Variants in NEK10 observed in about 807,000 individuals in gnomAD.
NEK10 encodes NIMA related kinase 10.
In NEK10, 122 loss-of-function variants were observed where a neutral mutation model predicts 159.8. That is an observed-to-expected ratio of 0.76 (90% CI 0.66 to 0.89). The LOEUF (loss-of-function observed/expected upper bound fraction) is 0.89, where lower values mean the gene tolerates loss of function less well. Among genes scored for constraint, NEK10 ranks in the 40% least tolerant of loss-of-function variants. NEK10 has a pLI of 0.00. For synonymous variants in NEK10, 466 were observed against 457.1 expected, an observed-to-expected ratio of 1.02 and a Z score of -0.25; for missense variants, 1,342 against 1,323.1, an observed-to-expected ratio of 1.01 and a Z score of -0.22.
intron 22 of NEK10, among the ~76,000 whole-genome samples, chr3:27,276,537 T>C (rs183073425): frequency 9.2e-5 from 14 of 152,294 alleles, no homozygotes; most frequent in Admixed American, 7.2e-4. Context: ...TTGGGTGCCA[T>C]AAGGAAACTA....
intron 9 of NEK10, 137 bp from the exon 10 acceptor site, chr3:27,309,142 C>CTTTTT: frequency 8.9e-6 from 3 of 338,762 alleles, no homozygotes; most frequent in Non-Finnish European, 1.0e-5. Context: ...ATAGGCTTAA[C>CTTTTT]TGTTTTTTTT....
intron 23 of NEK10, among the ~76,000 whole-genome samples, chr3:27,213,640 C>A (rs1951219030): frequency 6.6e-6 from 1 of 152,050 alleles, no homozygotes; most frequent in Non-Finnish European, 1.5e-5. Flanking sequence ...CTCAAACATG[C>A]CTCATTATAA....
At chr3:27,238,660 T>G (rs984887614) in intron 23 of NEK10, among the ~76,000 whole-genome samples, 11 of 152,190 alleles carry the variant, frequency 7.2e-5, no homozygotes, top group South Asian at 2.1e-4. Flanking sequence ...TATTTTTTTA[T>G]TTAATATTGT....
chr3:27,162,692 C>CT lies in NEK10; in HGVS notation c.2869+8dup. The stretch of plus-strand genomic sequence containing the variant: ...GTGTTTGATTTTATTGCTACCAACA[C>CT]TAAGTTACCTGGTCTTGGTCTTGAT... On this transcript the variant is annotated intron_variant, in intron 30 of 35. Transcript: ENST00000691995. 1 of 1,614,054 alleles carries CT rather than the reference C, an allele frequency of 6.2e-7. No homozygotes were observed. Among genetic ancestry groups the CT allele is most frequent in the Non-Finnish European group, 8.5e-7 (1 of 1,179,958 alleles).
intron 13 of NEK10, among the ~76,000 whole-genome samples, chr3:27,300,766 G>A (rs13061468): frequency 3.9e-5 from 6 of 152,296 alleles, no homozygotes; most frequent in Admixed American, 3.9e-4. Flanking sequence ...CACTGGATTA[G>A]ACTTCTGGGG....
chr3:27,174,941 G>A, intron 26 of NEK10, 108 bp from the exon 27 acceptor site: 1 of 903,368 alleles, frequency 1.1e-6, no homozygotes, highest in South Asian at 1.8e-5. Context: ...CAATATAAAT[G>A]TTTGATGCAG....
At position 27,160,118 on chromosome 3, in the gene NEK10, T is replaced by A. The variant is rs185909603; in HGVS notation, c.2869+2583A>T. Among the ~76,000 whole-genome samples the A allele has an allele frequency of 4.8e-3, 734 of 152,150 alleles. 4 individuals are homozygous for A. Among genetic ancestry groups the A allele is most frequent in the African/African-American group, 0.013 (543 of 41,520 alleles). On this transcript the variant is annotated intron_variant, in intron 30 of 35. Coordinates refer to ENST00000691995, the MANE Select transcript of NEK10 (RefSeq NM_001394966.1). ...CACTAATATAATCAGCTTATTTTTT[T>A]TAAAAAAATAAATCATTCACAAATT...
At chr3:27,214,548 TC>T (rs1168957428) in intron 23 of NEK10, among the ~76,000 whole-genome samples, 6 of 129,026 alleles carry the variant, frequency 4.7e-5, no homozygotes, top group African/African-American at 8.4e-5. Flanking sequence ...TTACTTTCTT[TC>T]TTTTTTTTGT....
rs114265477 is a variant in NEK10 at position 27,148,002 on chromosome 3, C to T, written c.2870-6420G>A. On this transcript the variant is annotated intron_variant, in intron 30 of 35. Coordinates refer to ENST00000691995, the MANE Select transcript of NEK10 (RefSeq NM_001394966.1). ...CAACTTTAAGAATTGTGCTTTTGCA[C>T]CCCAATATAAAAAATAATAAGTAGT... Among the ~76,000 whole-genome samples, 279 of 152,280 alleles carry T rather than the reference C, an allele frequency of 1.8e-3. 2 individuals carry two copies. The highest frequency in any genetic ancestry group is 6.3e-3 in the African/African-American group (262 of 41,552).
intron 23 of NEK10, among the ~76,000 whole-genome samples, chr3:27,233,084 A>C (rs1953486524): frequency 6.6e-6 from 1 of 152,178 alleles, no homozygotes; most frequent in Non-Finnish European, 1.5e-5. Flanking sequence ...ATAAATAATC[A>C]GCAGAGTAAA....
At chr3:27,318,482 G>C (rs1186408653) in intron 6 of NEK10, among the ~76,000 whole-genome samples, 1 of 152,112 alleles carries the variant, frequency 6.6e-6, no homozygotes, top group Non-Finnish European at 1.5e-5. Context: ...GAATGTATCT[G>C]TTTATATTTA....
chr3:27,268,409 G>C (rs1186333341), intron 22 of NEK10, among the ~76,000 whole-genome samples: 1 of 152,176 alleles, frequency 6.6e-6, no homozygotes, highest in Non-Finnish European at 1.5e-5. Flanking sequence ...CAAAGAACAG[G>C]CTGGCTCTCT....
intron 30 of NEK10, among the ~76,000 whole-genome samples, chr3:27,156,958 A>G (rs1267525988): frequency 8.0e-6 from 1 of 124,772 alleles, no homozygotes. Flanking sequence ...ATATATATAT[A>G]TATATATATA....
chr3:27,148,172 AG>A (rs1318656820), intron 30 of NEK10, among the ~76,000 whole-genome samples: 2 of 152,222 alleles, frequency 1.3e-5, no homozygotes, highest in Non-Finnish European at 2.9e-5. Context: ...GAGAAGAAAG[AG>A]GCCTCTTGCT....
At position 27,331,295 on chromosome 3, in the gene NEK10, G is replaced by T. The variant is rs145256352; in HGVS notation, c.363-9034C>A. On this transcript the variant is annotated intron_variant, in intron 5 of 35. Coordinates refer to ENST00000691995, the MANE Select transcript of NEK10 (RefSeq NM_001394966.1). Reference sequence around the variant, plus strand: ...AACCTAAGACTTTTGAGGCCTTAATGAAACTTTATCTGTGCCCAGTCTATG... The same window carrying T: ...AACCTAAGACTTTTGAGGCCTTAATTAAACTTTATCTGTGCCCAGTCTATG... 4.4e-5 allele frequency among the ~76,000 whole-genome samples: 6 copies of T among 137,404 alleles called. No individual in the cohort carries two copies. The East Asian group carries it at 1.3e-3, about 30-fold the overall frequency. 90.1% of individuals were successfully genotyped at this position (137,404 alleles called of 152,430 possible).
At chr3:27,285,554 A>C (rs1053693655) in intron 20 of NEK10, among the ~76,000 whole-genome samples, 3 of 152,068 alleles carry the variant, frequency 2.0e-5, no homozygotes, top group Non-Finnish European at 2.9e-5. Flanking sequence ...ACAAAAAAAA[A>C]CAAAACTGGA....
At chr3:27,197,227 G>A (rs1280029296) in intron 25 of NEK10, among the ~76,000 whole-genome samples, 1 of 151,920 alleles carries the variant, frequency 6.6e-6, no homozygotes, top group Non-Finnish European at 1.5e-5. Flanking sequence ...CCAGGCTAGA[G>A]TGCAACGGCT....
intron 5 of NEK10, 89 bp downstream of exon 5, chr3:27,344,183 T>C (rs2047391092): frequency 1.5e-6 from 1 of 678,678 alleles, no homozygotes; most frequent in Non-Finnish European, 2.6e-6. Context: ...TGTTCAATCC[T>C]GTAAGATGTT....
chr3:27,321,553 G>A (rs1414622644), intron 6 of NEK10, among the ~76,000 whole-genome samples: 3 of 152,148 alleles, frequency 2.0e-5, no homozygotes, highest in Non-Finnish European at 4.4e-5. Flanking sequence ...CGTGCCTGTA[G>A]TCCCAGCTAC....
Sources: allele counts gnomAD v4.1 joint callset (sites outside exome capture counted in the v4.1 genomes callset), GRCh38; gene constraint gnomAD v4.1.1; transcripts MANE v1.5; gene names NCBI Gene and HGNC (gene_info 2026-07-23, HGNC 2026-07-21).